Variants in FSTL5 observed in about 807,000 individuals in gnomAD.
FSTL5 encodes the protein follistatin like 5.
FSTL5 carries 62 observed loss-of-function variants against 89.1 expected under a neutral mutation model. The ratio of observed to expected loss-of-function variants is 0.70; its 90% CI spans 0.57 to 0.86. FSTL5 has a LOEUF of 0.86. FSTL5 is among the 40% of genes least tolerant of loss of function. FSTL5 has a pLI of 0.00. For synonymous variants in FSTL5, 383 were observed against 346.2 expected, an observed-to-expected ratio of 1.11 and a Z score of -1.18; for missense variants, 1,057 against 1,001.6, an observed-to-expected ratio of 1.06 and a Z score of -0.75.
intron 14 of FSTL5, among the ~76,000 whole-genome samples, chr4:161,457,053 C>T (rs1450371502): frequency 6.6e-6 from 1 of 152,110 alleles, no homozygotes; most frequent in Non-Finnish European, 1.5e-5. Flanking sequence ...TAGCATTAGG[C>T]TCTCCACGTG....
chr4:161,870,565 C>T (rs1342039565), intron 4 of FSTL5, among the ~76,000 whole-genome samples: 1 of 152,002 alleles, frequency 6.6e-6, no homozygotes, highest in Non-Finnish European at 1.5e-5. Flanking sequence ...TTCCAAGTTC[C>T]AGAATAAGGA....
rs184625006 is a variant in FSTL5 at position 161,887,461 on chromosome 4, T to G, written c.409+32943A>C. 7.8e-3 allele frequency among the ~76,000 whole-genome samples: 1,099 copies of G among 140,204 alleles called. 17 individuals carry two copies. Among genetic ancestry groups the G allele is most frequent in the African/African-American group, 0.024 (985 of 40,270 alleles). The allele number at this position is 140,204 out of a possible 152,430, so 92.0% of individuals were successfully genotyped here. ...ACCTATCATCTATAATCTATCAGTC[T>G]ATCTGTCTGTTTTTCTATCTACTTC... is the stretch of plus-strand genomic sequence containing the variant. On this transcript the variant is annotated intron_variant, in intron 4 of 15. Coordinates refer to ENST00000306100, the MANE Select transcript of FSTL5 (RefSeq NM_020116.5).
At chr4:161,741,091 T>G (rs1740011284) in intron 6 of FSTL5, among the ~76,000 whole-genome samples, 1 of 152,170 alleles carries the variant, frequency 6.6e-6, no homozygotes, top group African/African-American at 2.4e-5. Flanking sequence ...TAATCAAGTT[T>G]CAACATATGA....
chr4:162,029,766 A>G (rs912961857), intron 3 of FSTL5, among the ~76,000 whole-genome samples: 4 of 152,172 alleles, frequency 2.6e-5, no homozygotes, highest in African/African-American at 9.6e-5. Flanking sequence ...AATAAAATTC[A>G]TATCTATAAA....
intron 2 of FSTL5, among the ~76,000 whole-genome samples, chr4:162,037,521 A>C (rs1255213905): frequency 6.6e-6 from 1 of 151,830 alleles, no homozygotes; most frequent in South Asian, 2.1e-4. Context: ...AATTTGTAAC[A>C]ATCTTAGGCT....
chr4:161,856,012 T>C (rs536707004), intron 4 of FSTL5, among the ~76,000 whole-genome samples: 4 of 152,234 alleles, frequency 2.6e-5, no homozygotes, highest in African/African-American at 4.8e-5. Flanking sequence ...TTTTTAAGGG[T>C]TTATATGCAT....
At chr4:161,651,655 A>G (rs546408450) in intron 7 of FSTL5, among the ~76,000 whole-genome samples, 3 of 152,296 alleles carry the variant, frequency 2.0e-5, no homozygotes, top group African/African-American at 7.2e-5. Flanking sequence ...ATTAATTCTC[A>G]CCAAAAAATA....
rs563658999 is a variant in FSTL5 at position 162,155,669 on chromosome 4, T to A, written c.-17+7946A>T. ...ATCACATGGGAGCACAGTATGCTCT[T>A]AAACTATAAGAACTTTTGACTGAAT... On this transcript the variant is annotated intron_variant, in intron 1 of 15. Transcript: ENST00000306100. 2.6e-5 allele frequency among the ~76,000 whole-genome samples: 4 copies of A among 152,336 alleles called. No individual in the cohort carries two copies. The East Asian group carries it at 7.7e-4, about 29-fold the overall frequency.
At chr4:162,111,918 T>C (rs2111408779) in intron 1 of FSTL5, among the ~76,000 whole-genome samples, 1 of 152,292 alleles carries the variant, frequency 6.6e-6, no homozygotes, top group African/African-American at 2.4e-5. Flanking sequence ...CAACAGAAGT[T>C]ATGCAGGTGG....
intron 6 of FSTL5, among the ~76,000 whole-genome samples, chr4:161,662,072 T>C (rs1225984448): frequency 6.6e-6 from 1 of 152,160 alleles, no homozygotes; most frequent in Non-Finnish European, 1.5e-5. Flanking sequence ...GGCTTATTGT[T>C]TTCCAGGCAT....
At chr4:161,748,068 C>A (rs1273587422) in intron 6 of FSTL5, among the ~76,000 whole-genome samples, 1 of 151,822 alleles carries the variant, frequency 6.6e-6, no homozygotes, top group Non-Finnish European at 1.5e-5. Context: ...TTAACAAAAT[C>A]GAATAAAACA....
intron 8 of FSTL5, among the ~76,000 whole-genome samples, chr4:161,582,336 G>A (rs1025317732): frequency 2.6e-5 from 4 of 152,132 alleles, no homozygotes; most frequent in African/African-American, 7.2e-5. Context: ...TATAAGATGA[G>A]TTAAACCAGT....
chr4:162,104,069 G>A (rs988911557), intron 2 of FSTL5, among the ~76,000 whole-genome samples: 29 of 152,256 alleles, frequency 1.9e-4, no homozygotes, highest in African/African-American at 7.0e-4. Flanking sequence ...TTCGCTCGCC[G>A]TCCACCACTG....
At chr4:161,877,707 TCCCAGCTACTCGGG>T (rs1334219257) in intron 4 of FSTL5, among the ~76,000 whole-genome samples, 1 of 151,656 alleles carries the variant, frequency 6.6e-6, no homozygotes, top group African/African-American at 2.4e-5. Context: ...GCCCCTGTAG[TCCCAGCTACTCGGG>T]AGGCTGAGGC....
chr4:161,436,560 C>CT (rs1560894182), intron 15 of FSTL5, among the ~76,000 whole-genome samples: 1 of 152,200 alleles, frequency 6.6e-6, no homozygotes, highest in Non-Finnish European at 1.5e-5. Context: ...ACCTTCACTT[C>CT]TGTATGAAGT....
chr4:161,695,662 G>A (rs527860952), intron 6 of FSTL5, among the ~76,000 whole-genome samples: 2 of 152,182 alleles, frequency 1.3e-5, no homozygotes, highest in South Asian at 2.1e-4. Flanking sequence ...TCTTGCAGGA[G>A]TTAGGTGGTA....
intron 2 of FSTL5, among the ~76,000 whole-genome samples, chr4:162,061,100 A>G (rs1738703987): frequency 6.6e-6 from 1 of 152,058 alleles, no homozygotes. Context: ...TTCCTTCTTT[A>G]TGTATGTTGG....
chr4:161,664,714 GCCCCATT>G (rs1372388113), intron 6 of FSTL5: 1 of 153,254 alleles, frequency 6.5e-6, no homozygotes, highest in Non-Finnish European at 1.5e-5. Context: ...TTTCAGCAAT[GCCCCATT>G]CTACTGGTAC....
chr4:162,099,938 G>C (rs894720199), intron 2 of FSTL5, among the ~76,000 whole-genome samples: 5 of 152,182 alleles, frequency 3.3e-5, no homozygotes, highest in Admixed American at 3.3e-4. Flanking sequence ...GAGGATAGTG[G>C]AGCAATAGGA....
Sources: allele counts gnomAD v4.1 joint callset (sites outside exome capture counted in the v4.1 genomes callset), GRCh38; gene constraint gnomAD v4.1.1; transcripts MANE v1.5; gene names NCBI Gene and HGNC (gene_info 2026-07-23, HGNC 2026-07-21).